Variants in PPP1R37 observed in about 807,000 individuals in gnomAD.
PPP1R37 encodes protein phosphatase 1 regulatory subunit 37, also known as leucine rich repeat containing 68.
Under a neutral mutation model 61.0 loss-of-function variants are expected in PPP1R37, and 21 were observed. The observed-to-expected ratio is 0.34, with a 90% CI of 0.24 to 0.50. PPP1R37 has a LOEUF of 0.50. Among genes scored for constraint, PPP1R37 ranks in the 20% least tolerant of loss-of-function variants. The pLI is 0.98. For missense variants in PPP1R37, 910 were observed against 952.7 expected (o/e 0.96, Z 0.59); for synonymous variants, 443 against 433.5 (o/e 1.02, Z -0.27).
In PPP1R37 at chr19:45,093,416, G is replaced by A; in HGVS notation, c.91G>A (p.Ala31Thr). 3 of 1,534,634 alleles carry A rather than the reference G, an allele frequency of 2.0e-6. No homozygotes were observed. The African/African-American group carries it at 4.1e-5, about 21-fold the overall frequency. ...APAEAGSPSP[A>T]SPPADGRLKA... ...AGCTGAGGCCGGGTCTCCCAGCCCC[G>A]CGTCGCCCCCCGCCGATGGGCGCCT... is the stretch of plus-strand genomic sequence containing the variant. The change falls in exon 1 of 13, where the codon GCG becomes ACG. Residue 31 changes from alanine (A) to threonine (T), a missense_variant. This residue lies in a region of PPP1R37 where 81 missense variants were observed against 65.4 expected (regional missense o/e 1.24). Transcript: ENST00000221462.
In PPP1R37 at chr19:45,111,280, A is replaced by T. The variant is rs550279595; in HGVS notation, c.202+17753A>T. Among the ~76,000 whole-genome samples the T allele has an allele frequency of 2.8e-4, 42 of 149,562 alleles. 1 individual carries two copies. In the East Asian group the frequency reaches 7.6e-3, roughly 27 times the overall value. On this transcript the variant is annotated intron_variant, in intron 1 of 12. Coordinates refer to ENST00000221462, the MANE Select transcript of PPP1R37 (RefSeq NM_019121.2). ...TTTAATTATTATTATTATTATTATT[A>T]TTATTTTTAATTGAGACAGAGTCTT...
intron 1 of PPP1R37, among the ~76,000 whole-genome samples, chr19:45,114,558 G>C (rs1378096150): frequency 6.6e-6 from 1 of 152,216 alleles, no homozygotes; most frequent in African/African-American, 2.4e-5. Flanking sequence ...GTTTTTAGAG[G>C]AGGCTCTGCA....
At chr19:45,125,165 T>A (rs1431774894) in intron 1 of PPP1R37, among the ~76,000 whole-genome samples, 1 of 152,108 alleles carries the variant, frequency 6.6e-6, no homozygotes, top group Non-Finnish European at 1.5e-5. Context: ...AAACAATATC[T>A]CTTTAATCTC....
chr19:45,119,278 C>G (rs1303246188), intron 1 of PPP1R37, among the ~76,000 whole-genome samples: 4 of 152,150 alleles, frequency 2.6e-5, no homozygotes, highest in Non-Finnish European at 5.9e-5. Flanking sequence ...CCTCAGCCTC[C>G]TGAGTAGCTG....
In PPP1R37 at chr19:45,140,573, C is replaced by G; in HGVS notation, c.414C>G (p.Val138=). The change falls in exon 4 of 13, where the codon GTC becomes GTG. Residue 138 remains valine (V), a synonymous_variant. Transcript: ENST00000221462. ...TCTTCAAGAGGCTGCAGTTCAAGGT[C>G]GTGGACCTGGAGCAGACAAACCTGG... is the stretch of plus-strand genomic sequence containing the variant. ...EEVFKRLQFK[V]VDLEQTNLDE... 6.5e-7 allele frequency: 1 copy of G among 1,536,042 alleles called. No individual in the cohort carries two copies. The highest frequency in any genetic ancestry group is 8.7e-7 in the Non-Finnish European group (1 of 1,146,846).
At chr19:45,101,938 G>A (rs142038469) in intron 1 of PPP1R37, among the ~76,000 whole-genome samples, 2 of 152,334 alleles carry the variant, frequency 1.3e-5, no homozygotes, top group Admixed American at 6.5e-5. Flanking sequence ...CAGCAGGTTT[G>A]CCGATGCCAC....
At chr19:45,143,402 C>T (rs962913609) in intron 7 of PPP1R37, 119 bp from the exon 8 acceptor site, 1 of 622,068 alleles carries the variant, frequency 1.6e-6, no homozygotes. Context: ...CAGGGCAAGG[C>T]CTGGGACTGC....
chr19:45,137,289 C>T (rs1016052632), intron 1 of PPP1R37, among the ~76,000 whole-genome samples: 3 of 152,204 alleles, frequency 2.0e-5, no homozygotes, highest in African/African-American at 7.2e-5. Context: ...GCAAACACAA[C>T]GCAGCACATC....
chr19:45,135,846 G>A (rs990729871), intron 1 of PPP1R37: 4 of 149,514 alleles, frequency 2.7e-5, no homozygotes, highest in African/African-American at 5.0e-5. Context: ...GCAATGGCGC[G>A]ATTTTGGCTC....
At chr19:45,143,488 C>G (rs776081171) in intron 7 of PPP1R37, 33 bp from the exon 8 acceptor site, 1 of 1,376,836 alleles carries the variant, frequency 7.3e-7, no homozygotes, top group East Asian at 2.5e-5. Context: ...CACCCGGACC[C>G]CAGACAGGGC....
Position 45,146,381 on chromosome 19 carries a change from C to T in PPP1R37, c.1994-9C>T. 6.5e-7 allele frequency: 1 copy of T among 1,535,318 alleles called. No homozygotes were observed. The highest frequency in any genetic ancestry group is 8.7e-7 in the Non-Finnish European group (1 of 1,146,480). Reference sequence around the variant, plus strand: ...CCTGACGGGGGTGCTGGCCCGTCCTCCCACACAGAACTGAGCTGCTCCAAG... The same window carrying T: ...CCTGACGGGGGTGCTGGCCCGTCCTTCCACACAGAACTGAGCTGCTCCAAG... On this transcript the variant is annotated splice_polypyrimidine_tract_variant and intron_variant, in intron 11 of 12. Transcript: ENST00000221462.
Position 45,145,603 on chromosome 19 carries a change from A to AGGAGGAAGAGGAAGG in PPP1R37, c.1552_1566dup (p.Glu518_Glu522dup). ...GACTCGGACTCGGATGGGGAGGAAGAGGAGGAAGAGGAAGGGGAGAGGGAC... is the reference window on the plus strand; with the variant it reads ...GACTCGGACTCGGATGGGGAGGAAGAGGAGGAAGAGGAAGGGGAGGAAGAGGAAGGGGAGAGGGAC... On this transcript the variant is annotated inframe_insertion, in exon 11 of 13. Coordinates refer to ENST00000221462, the MANE Select transcript of PPP1R37 (RefSeq NM_019121.2). The AGGAGGAAGAGGAAGG allele has an allele frequency of 6.5e-7, 1 of 1,535,698 alleles. No individual in the cohort carries two copies. The highest frequency in any genetic ancestry group is 8.7e-7 in the Non-Finnish European group (1 of 1,146,734).
At chr19:45,138,443 G>T in intron 1 of PPP1R37, 71 bp from the exon 2 acceptor site, 1 of 1,098,358 alleles carries the variant, frequency 9.1e-7, no homozygotes, top group Non-Finnish European at 1.3e-6. Context: ...GCCTTAGGGC[G>T]GGAGTGGGTG....
At chr19:45,142,701 A>G in intron 7 of PPP1R37, 2 of 543,798 alleles carry the variant, frequency 3.7e-6, no homozygotes, top group South Asian at 5.1e-5. Flanking sequence ...TTCCAGGAGG[A>G]GGAGACAGCT....
At chr19:45,141,892 C>A (rs1382338806) in intron 5 of PPP1R37, among the ~76,000 whole-genome samples, 169 bp from the exon 6 acceptor site, 3 of 152,154 alleles carry the variant, frequency 2.0e-5, no homozygotes, top group Non-Finnish European at 4.4e-5. Context: ...CACAGTTACC[C>A]CCATTGTAAA....
At chr19:45,131,349 C>T (rs1006938918) in intron 1 of PPP1R37, among the ~76,000 whole-genome samples, 4 of 152,252 alleles carry the variant, frequency 2.6e-5, no homozygotes, top group South Asian at 2.1e-4. Context: ...CCACCCAGGG[C>T]TCCCCACACC....
chr19:45,146,278 A>C, intron 11 of PPP1R37, 112 bp from the exon 12 acceptor site: 1 of 1,038,498 alleles, frequency 9.6e-7, no homozygotes, highest in Non-Finnish European at 1.4e-6. Context: ...TGACCATCTC[A>C]GCGGTCTCTG....
intron 2 of PPP1R37, 37 bp from the exon 3 acceptor site, chr19:45,140,199 A>C: frequency 6.5e-7 from 1 of 1,526,972 alleles, no homozygotes; most frequent in Non-Finnish European, 8.8e-7. Context: ...CCCCTGTTCA[A>C]GTGTCTTCCT....
intron 1 of PPP1R37, chr19:45,128,562 C>T: frequency 7.9e-7 from 1 of 1,258,658 alleles, no homozygotes; most frequent in East Asian, 2.7e-5. Flanking sequence ...ATCGAAGCCT[C>T]TTAAAATGGC....
Sources: allele counts gnomAD v4.1 joint callset (sites outside exome capture counted in the v4.1 genomes callset), GRCh38; gene constraint gnomAD v4.1.1; regional missense constraint gnomAD v4.1.1; transcripts MANE v1.5; gene names NCBI Gene and HGNC (gene_info 2026-07-23, HGNC 2026-07-21).